The following HEATR5A variants were observed in gnomAD, a reference collection of about 807,000 sequenced individuals.
HEATR5A encodes HEAT repeat-containing protein 5A.
Under a neutral mutation model 218.8 loss-of-function variants are expected in HEATR5A, and 178 were observed. That is an observed-to-expected ratio of 0.81 (90% CI 0.72 to 0.92). The LOEUF is 0.92. Among genes scored for constraint, HEATR5A ranks in the 40% least tolerant of loss-of-function variants. HEATR5A has a pLI of 0.00. For synonymous variants in HEATR5A, 864 were observed against 871.6 expected, an observed-to-expected ratio of 0.99 and a Z score of 0.15; for missense variants, 2,420 against 2,418.9, an observed-to-expected ratio of 1.00 and a Z score of -0.01.
intron 11 of HEATR5A, among the ~76,000 whole-genome samples, chr14:31,377,125 TAA>T (rs35859115): frequency 0.29 from 35,828 of 125,266 alleles, 5,813 homozygotes; most frequent in Non-Finnish European, 0.39. Context: ...CCCTGTCTCT[TAA>T]AAAAAAAAAA....
At chr14:31,331,610 C>T (rs1428667872) in intron 22 of HEATR5A, among the ~76,000 whole-genome samples, 2 of 152,108 alleles carry the variant, frequency 1.3e-5, no homozygotes, top group Non-Finnish European at 2.9e-5. Context: ...ACTCCTGGTA[C>T]CAATTTACTG....
chr14:31,368,078 T>C (rs989519587), intron 13 of HEATR5A, among the ~76,000 whole-genome samples: 1 of 152,048 alleles, frequency 6.6e-6, no homozygotes, highest in South Asian at 2.1e-4. Context: ...TGCTGGGAGG[T>C]AGGGCCTTTT....
At position 31,323,689 on chromosome 14, in the gene HEATR5A, G is replaced by A; in HGVS notation, c.3663C>T (p.Pro1221=). Residue 1221 remains proline (P), a synonymous_variant, in exon 24 of 36, where the codon CCC becomes CCT. Transcript: ENST00000543095. ...RDEKSHPFTN[P]RWATRVFAAE... is the part of the protein sequence containing the mutation. Reference sequence around the variant, plus strand: ...CAGCAAAGACTCTAGTAGCCCATCGGGGATTGGTAAAAGGATGGGATTTTT... The same window carrying A: ...CAGCAAAGACTCTAGTAGCCCATCGAGGATTGGTAAAAGGATGGGATTTTT... The A allele has an allele frequency of 6.2e-7, 1 of 1,613,626 alleles. No individual in the cohort carries two copies.
At chr14:31,296,448 T>G (rs1361923595) in intron 33 of HEATR5A, 1 of 171,836 alleles carries the variant, frequency 5.8e-6, no homozygotes, top group African/African-American at 2.4e-5. Context: ...TGTGAAGCAT[T>G]TAGAATAGTA....
At chr14:31,310,938 C>T (rs1378231005) in intron 28 of HEATR5A, among the ~76,000 whole-genome samples, 1 of 152,002 alleles carries the variant, frequency 6.6e-6, no homozygotes, top group African/African-American at 2.4e-5. Context: ...CACTTGAGCC[C>T]AGCTGTAGTG....
chr14:31,304,917 A>T lies in HEATR5A; in HGVS notation c.5227T>A (p.Cys1743Ser). 4 of 1,613,982 alleles carry T rather than the reference A, an allele frequency of 2.5e-6. No individual in the cohort carries two copies. The highest frequency in any genetic ancestry group is 3.4e-6 in the Non-Finnish European group (4 of 1,179,872). ...LVILSELPAV[C>S]SPEGSISILP... The stretch of plus-strand genomic sequence containing the variant: ...TACCACAGCATACCTTCAGGAGAGC[A>T]CACTGCAGGAAGTTCGGAAAGGATA... Residue 1743 changes from cysteine (C) to serine (S), a missense_variant, in exon 32 of 36, where the codon TGC becomes AGC. Cys to Ser is a moderately radical substitution (Grantham distance 112, BLOSUM62 -1). Coordinates refer to ENST00000543095, the MANE Select transcript of HEATR5A (RefSeq NM_015473.4).
At chr14:31,296,997 A>G (rs1317940354) in intron 33 of HEATR5A, 2 of 152,178 alleles carry the variant, frequency 1.3e-5, no homozygotes, top group Admixed American at 1.3e-4. Flanking sequence ...ATATAAAAAT[A>G]TATTAAAAAG....
chr14:31,318,404 CTGT>C, intron 25 of HEATR5A, 112 bp from the exon 26 acceptor site: 1 of 843,004 alleles, frequency 1.2e-6, no homozygotes, highest in South Asian at 1.5e-5. Flanking sequence ...TTATGGACAG[CTGT>C]TGTTTTGTCT....
Position 31,312,967 on chromosome 14 carries a change from C to G in HEATR5A, c.4441+1G>C. 3 of 1,602,474 alleles carry G rather than the reference C, an allele frequency of 1.9e-6. No individual in the cohort carries two copies. Among genetic ancestry groups the G allele is most frequent in the Non-Finnish European group, 2.6e-6 (3 of 1,169,684 alleles). ...ATTATCTAAGTATTTTATCTCCTTA[C>G]CTTCAGCAGGAAGTTGGGAGGCAAA... On this transcript the variant is annotated splice_donor_variant, in intron 28 of 35. Coordinates refer to ENST00000543095, the MANE Select transcript of HEATR5A (RefSeq NM_015473.4). LOFTEE classifies it high-confidence loss of function.
intron 16 of HEATR5A, among the ~76,000 whole-genome samples, chr14:31,354,180 G>C (rs542040539): frequency 6.6e-6 from 1 of 152,122 alleles, no homozygotes; most frequent in South Asian, 2.1e-4. Flanking sequence ...GACAACAATG[G>C]GGAATTAAGA....
chr14:31,319,480 A>T (rs1900019432), intron 25 of HEATR5A, among the ~76,000 whole-genome samples: 1 of 152,162 alleles, frequency 6.6e-6, no homozygotes, highest in South Asian at 2.1e-4. Context: ...ACGTAACTTT[A>T]ATCCCTTCAT....
chr14:31,357,135 C>G (rs1377360178), intron 16 of HEATR5A, among the ~76,000 whole-genome samples: 4 of 152,178 alleles, frequency 2.6e-5, no homozygotes, highest in Non-Finnish European at 4.4e-5. Context: ...TCTCTTATCA[C>G]CATAACCTTA....
At chr14:31,322,805 T>G (rs1900149564) in intron 24 of HEATR5A, among the ~76,000 whole-genome samples, 1 of 131,520 alleles carries the variant, frequency 7.6e-6, no homozygotes, top group Non-Finnish European at 1.6e-5. Flanking sequence ...GGTGACAGAG[T>G]GAAATGCTGT....
chr14:31,298,930 CACT>C (rs1222847881), intron 33 of HEATR5A, among the ~76,000 whole-genome samples: 1 of 152,146 alleles, frequency 6.6e-6, no homozygotes, highest in Admixed American at 6.5e-5. Context: ...TGTGCCTCAC[CACT>C]GTGAGCTCTA....
At chr14:31,402,664 G>A (rs1595179140) in intron 2 of HEATR5A, among the ~76,000 whole-genome samples, 186 bp downstream of exon 2, 1 of 152,182 alleles carries the variant, frequency 6.6e-6, no homozygotes, top group East Asian at 1.9e-4. Context: ...TCTGAATAGC[G>A]AAAACTTCTT....
chr14:31,398,474 A>C (rs1696138606), intron 4 of HEATR5A, among the ~76,000 whole-genome samples, 199 bp downstream of exon 4: 1 of 152,216 alleles, frequency 6.6e-6, no homozygotes, highest in South Asian at 2.1e-4. Context: ...ATGAAATTCT[A>C]CTGCATTACT....
At chr14:31,416,845 T>C (rs2139332511) in intron 1 of HEATR5A, among the ~76,000 whole-genome samples, 1 of 152,272 alleles carries the variant, frequency 6.6e-6, no homozygotes, top group East Asian at 1.9e-4. Flanking sequence ...CTCCCACCTG[T>C]AATTCCAGCA....
intron 21 of HEATR5A, chr14:31,340,405 C>G (rs1286997273): frequency 1.6e-6 from 2 of 1,235,328 alleles, no homozygotes; most frequent in African/African-American, 1.6e-5. Context: ...AGAAACAGCA[C>G]CGCAAAACTC....
At chr14:31,347,214 T>C (rs181508701) in intron 19 of HEATR5A, among the ~76,000 whole-genome samples, 1 of 152,310 alleles carries the variant, frequency 6.6e-6, no homozygotes, top group East Asian at 1.9e-4. Flanking sequence ...TATTTATTAC[T>C]ATTATTATTA....
Sources: gnomAD v4.1 joint callset for allele counts (sites outside exome capture counted in the v4.1 genomes callset) on GRCh38, gnomAD v4.1.1 for gene constraint, MANE v1.5 for transcripts, NCBI Gene and HGNC (gene_info 2026-07-23, HGNC 2026-07-21) for gene names.